TMEM117: variants seen among roughly 807,000 people sequenced by gnomAD.
TMEM117 encodes transmembrane protein 117.
Under a neutral mutation model 52.4 loss-of-function variants are expected in TMEM117, and 27 were observed. The observed-to-expected ratio is 0.51, with a 90% confidence interval of 0.38 to 0.71. The LOEUF (loss-of-function observed/expected upper bound fraction) is 0.71, where lower values mean the gene tolerates loss of function less well. TMEM117 is among the 30% of genes least tolerant of loss of function. The pLI is 0.00. For synonymous variants in TMEM117, 215 were observed against 206.3 expected, an observed-to-expected ratio of 1.04 and a Z score of -0.36; for missense variants, 556 against 630.5, an observed-to-expected ratio of 0.88 and a Z score of 1.26.
chr12:43,983,494 T>C (rs925279508), intron 3 of TMEM117, among the ~76,000 whole-genome samples: 2 of 149,664 alleles, frequency 1.3e-5, no homozygotes, highest in Non-Finnish European at 3.0e-5. Flanking sequence ...AAAGTAATTG[T>C]GGTTTTTGCC....
chr12:43,804,933 A>C, the TMEM117 span, among the ~76,000 whole-genome samples: 1 of 152,174 alleles, frequency 6.6e-6, no homozygotes, highest in Non-Finnish European at 1.5e-5. Flanking sequence ...TTCATTCTCT[A>C]ATTCAGTTTC....
chr12:43,904,017 G>T (rs976664500), intron 2 of TMEM117, among the ~76,000 whole-genome samples: 2 of 152,090 alleles, frequency 1.3e-5, no homozygotes, highest in East Asian at 3.8e-4. Context: ...ACAGAGTATT[G>T]TGTTATAAGT....
chr12:43,829,726 C>T, the TMEM117 span, among the ~76,000 whole-genome samples: 1 of 152,214 alleles, frequency 6.6e-6, no homozygotes, highest in Non-Finnish European at 1.5e-5. Context: ...CTAAGCACTG[C>T]ACACTGGAAG....
intron 5 of TMEM117, among the ~76,000 whole-genome samples, chr12:44,236,802 A>T (rs561003770): frequency 2.0e-4 from 31 of 152,170 alleles, no homozygotes; most frequent in African/African-American, 7.2e-4. Context: ...TACAAGTTCA[A>T]GGCTTGAGGC....
At chr12:43,998,261 G>A (rs1284472614) in intron 3 of TMEM117, among the ~76,000 whole-genome samples, 1 of 152,198 alleles carries the variant, frequency 6.6e-6, no homozygotes, top group African/African-American at 2.4e-5. Context: ...TAGAGGGAAA[G>A]GCAAGGACTG....
intron 3 of TMEM117, among the ~76,000 whole-genome samples, chr12:43,960,126 T>C (rs563588882): frequency 1.3e-5 from 2 of 152,244 alleles, no homozygotes; most frequent in Admixed American, 6.5e-5. Flanking sequence ...TTAATTAGGC[T>C]AAACATTGAC....
intron 5 of TMEM117, among the ~76,000 whole-genome samples, chr12:44,223,563 A>G (rs1459897784): frequency 1.3e-5 from 2 of 152,156 alleles, no homozygotes; most frequent in African/African-American, 2.4e-5. Flanking sequence ...TTTTGTACAC[A>G]TGGTTTCAAA....
chr12:44,066,161 TAC>T (rs1252734982), intron 3 of TMEM117, among the ~76,000 whole-genome samples: 1 of 152,244 alleles, frequency 6.6e-6, no homozygotes, highest in African/African-American at 2.4e-5. Context: ...CAGAGTAGGT[TAC>T]AGTCTGTTTA....
At chr12:44,299,922 A>G (rs1950818372) in intron 6 of TMEM117, among the ~76,000 whole-genome samples, 183 bp downstream of exon 6, 1 of 152,170 alleles carries the variant, frequency 6.6e-6, no homozygotes, top group South Asian at 2.1e-4. Flanking sequence ...TTGGACTTTT[A>G]TAAGAGGGGC....
chr12:43,953,993 T>C (rs1312971463), intron 3 of TMEM117, among the ~76,000 whole-genome samples: 1 of 152,104 alleles, frequency 6.6e-6, no homozygotes, highest in African/African-American at 2.4e-5. Context: ...ACTCAAGATT[T>C]AAAAGCCTAC....
intron 3 of TMEM117, among the ~76,000 whole-genome samples, chr12:44,045,927 G>A (rs2137910677): frequency 6.6e-6 from 1 of 152,290 alleles, no homozygotes; most frequent in South Asian, 2.1e-4. Context: ...ATAGAACAGT[G>A]GAATGGCTTT....
At chr12:44,050,357 A>G (rs142616393) in intron 3 of TMEM117, among the ~76,000 whole-genome samples, 151 of 152,176 alleles carry the variant, frequency 9.9e-4, no homozygotes, top group African/African-American at 3.4e-3. Flanking sequence ...TTGCATTTTT[A>G]GAAGTGACGG....
chr12:44,359,383 A>G (rs1951692881), intron 6 of TMEM117, among the ~76,000 whole-genome samples: 1 of 152,080 alleles, frequency 6.6e-6, no homozygotes. Context: ...AATTTGATAT[A>G]TTACCTTATG....
intron 3 of TMEM117, among the ~76,000 whole-genome samples, chr12:44,070,641 GC>G (rs1439976207): frequency 6.6e-6 from 1 of 152,180 alleles, no homozygotes; most frequent in African/African-American, 2.4e-5. Context: ...AGATGAGAAA[GC>G]CAAGGCCCAG....
In TMEM117 at chr12:44,137,946, T is replaced by A. The variant is rs564344366; in HGVS notation, c.411-5579T>A. Among the ~76,000 whole-genome samples the A allele has an allele frequency of 3.3e-5, 5 of 152,286 alleles. No homozygotes were observed. The South Asian group carries it at 1.0e-3, about 32-fold the overall frequency. ...CCAGTAGGCCAGAAGTTTACCTTTTTTTACATGCATATTATGAAATAGTTG... is the reference window on the plus strand; with the variant it reads ...CCAGTAGGCCAGAAGTTTACCTTTTATTACATGCATATTATGAAATAGTTG... On this transcript the variant is annotated intron_variant, in intron 3 of 7. Transcript: ENST00000266534.
At chr12:44,227,202 G>A (rs753883857) in intron 5 of TMEM117, among the ~76,000 whole-genome samples, 2 of 152,128 alleles carry the variant, frequency 1.3e-5, no homozygotes, top group African/African-American at 4.8e-5. Context: ...ATTATTTGCA[G>A]TCATGAAAGA....
intron 2 of TMEM117, among the ~76,000 whole-genome samples, chr12:43,888,483 G>C (rs1944039349): frequency 6.6e-6 from 1 of 151,786 alleles, no homozygotes; most frequent in South Asian, 2.1e-4. Context: ...ATAATGAATG[G>C]AGAGAAGTTA....
intron 2 of TMEM117, among the ~76,000 whole-genome samples, chr12:43,852,724 A>G (rs1269884077): frequency 6.6e-6 from 1 of 152,244 alleles, no homozygotes; most frequent in Non-Finnish European, 1.5e-5. Context: ...TTATCTGAGG[A>G]TGGATTTTAG....
At chr12:43,798,493 A>T in the TMEM117 span, 5 of 1,416,456 alleles carry the variant, frequency 3.5e-6, no homozygotes, top group Non-Finnish European at 4.6e-6. Context: ...CTTTTAAAAA[A>T]ATGAATGGAG....
Sources: gnomAD v4.1 joint callset for allele counts (sites outside exome capture counted in the v4.1 genomes callset) on GRCh38, gnomAD v4.1.1 for gene constraint, MANE v1.5 for transcripts, NCBI Gene and HGNC (gene_info 2026-07-23, HGNC 2026-07-21) for gene names.